The following MARK4 variants were observed in gnomAD, a reference collection of about 807,000 sequenced individuals.
The protein encoded by MARK4 is microtubule affinity regulating kinase 4, also known as MAP/microtubule affinity-regulating kinase 4.
MARK4 carries 19 observed loss-of-function variants against 81.5 expected under a neutral mutation model. That is an observed-to-expected ratio of 0.23 (90% confidence interval 0.16 to 0.34). The LOEUF is 0.34. MARK4 is among the 10% of genes least tolerant of loss of function. MARK4 has a pLI of 1.00. For missense variants in MARK4, 772 were observed against 1,058.8 expected (o/e 0.73, Z 3.76); for synonymous variants, 436 against 439.0 (o/e 0.99, Z 0.08).
intron 8 of MARK4, among the ~76,000 whole-genome samples, chr19:45,276,569 ATT>A (rs1970600152): frequency 6.7e-6 from 1 of 149,304 alleles, no homozygotes; most frequent in Non-Finnish European, 1.5e-5. Context: ...TGAATCTCAT[ATT>A]TACATACCGC....
chr19:45,270,839 C>T (rs567913557), intron 7 of MARK4, among the ~76,000 whole-genome samples: 2 of 152,102 alleles, frequency 1.3e-5, no homozygotes, highest in Admixed American at 1.3e-4. Flanking sequence ...GGCATGATCT[C>T]GGCTCACCGC....
chr19:45,263,604 T>C (rs1970409333), intron 4 of MARK4, among the ~76,000 whole-genome samples: 2 of 151,944 alleles, frequency 1.3e-5, no homozygotes, highest in African/African-American at 4.8e-5. Context: ...TAGCAGGGCA[T>C]GGTGGCGGGC....
intron 8 of MARK4, among the ~76,000 whole-genome samples, chr19:45,275,530 T>C (rs892599168): frequency 6.6e-6 from 1 of 152,008 alleles, no homozygotes; most frequent in Non-Finnish European, 1.5e-5. Context: ...CTGCATATGT[T>C]AAGCCCTTCA....
intron 7 of MARK4, among the ~76,000 whole-genome samples, chr19:45,267,768 C>A (rs1433116748): frequency 6.6e-6 from 1 of 152,172 alleles, no homozygotes; most frequent in Non-Finnish European, 1.5e-5. Flanking sequence ...TCAAATAGTT[C>A]TCTCACCTCA....
chr19:45,263,737 A>G (rs1167448366), intron 4 of MARK4, among the ~76,000 whole-genome samples: 1 of 149,580 alleles, frequency 6.7e-6, no homozygotes, highest in East Asian at 2.0e-4. Context: ...GCGAGACTTC[A>G]TCTCAAAAAA....
At chr19:45,262,676 G>A (rs1028228454) in intron 2 of MARK4, among the ~76,000 whole-genome samples, 11 of 152,230 alleles carry the variant, frequency 7.2e-5, no homozygotes, top group African/African-American at 2.7e-4. Context: ...GGGTGGCAGT[G>A]GAGACAGTGA....
At chr19:45,299,353 G>T (rs190366222) in intron 15 of MARK4, among the ~76,000 whole-genome samples, 2 of 152,316 alleles carry the variant, frequency 1.3e-5, no homozygotes, top group Non-Finnish European at 2.9e-5. Context: ...GAGCCTGGGA[G>T]GTTGAGGCTG....
At chr19:45,282,197 TG>T (rs1403318946) in intron 12 of MARK4, among the ~76,000 whole-genome samples, 5 of 147,400 alleles carry the variant, frequency 3.4e-5, no homozygotes, top group South Asian at 4.3e-4. Flanking sequence ...CACACCAGCC[TG>T]GGCAACAGAG....
At chr19:45,251,767 C>A in intron 1 of MARK4, 128 bp downstream of exon 1, 1 of 819,046 alleles carries the variant, frequency 1.2e-6, no homozygotes, top group Non-Finnish European at 1.9e-6. Flanking sequence ...CGTCACCTCT[C>A]GACCCCTCCC....
chr19:45,273,491 AG>A (rs1471583457), intron 8 of MARK4, among the ~76,000 whole-genome samples: 1 of 152,190 alleles, frequency 6.6e-6, no homozygotes, highest in East Asian at 1.9e-4. Context: ...CCATCATCCC[AG>A]GAATATCTTT....
At chr19:45,279,814 T>C (rs969180287) in intron 10 of MARK4, among the ~76,000 whole-genome samples, 1 of 152,194 alleles carries the variant, frequency 6.6e-6, no homozygotes. Context: ...CAGGCTGCTC[T>C]CCAGGAGGCA....
rs1305515142 is a variant in MARK4 at position 45,287,645 on chromosome 19, A to G, written c.1475A>G (p.Lys492Arg). Reference sequence around the variant, plus strand: ...AAGGCAGAGATCCCAGAGCGGCGGAAGGACAGCACGAGCACCCCCGTGAGT... The same window carrying G: ...AAGGCAGAGATCCCAGAGCGGCGGAGGGACAGCACGAGCACCCCCGTGAGT... ...PNKAEIPERR[K>R]DSTSTPNNLP... The change falls in exon 13 of 17, where the codon AAG becomes AGG. Residue 492 changes from lysine (K) to arginine (R), a missense_variant. Physicochemically the swap from Lys to Arg is conservative, Grantham distance 26. This residue lies in a region of MARK4 where 548 missense variants were observed against 624.3 expected (regional missense o/e 0.88). Transcript: ENST00000262891. 4 of 1,598,316 alleles carry G rather than the reference A, an allele frequency of 2.5e-6. No homozygotes were observed. The African/African-American group carries it at 5.4e-5, about 21-fold the overall frequency.
chr19:45,273,251 G>C (rs1015593620), intron 8 of MARK4, among the ~76,000 whole-genome samples: 6 of 152,138 alleles, frequency 3.9e-5, no homozygotes, highest in Admixed American at 2.0e-4. Flanking sequence ...TCGCTGGCCT[G>C]TGTCCACATT....
At chr19:45,293,036 G>A (rs951512416) in intron 13 of MARK4, among the ~76,000 whole-genome samples, 8 of 152,214 alleles carry the variant, frequency 5.3e-5, no homozygotes, top group African/African-American at 1.9e-4. Flanking sequence ...GGGAGGCTGA[G>A]GCGGGTGGAT....
intron 8 of MARK4, among the ~76,000 whole-genome samples, chr19:45,272,386 AC>A (rs2123055626): frequency 6.6e-6 from 1 of 152,252 alleles, no homozygotes; most frequent in African/African-American, 2.4e-5. Flanking sequence ...CTGTGGGTGA[AC>A]CTTGAAAACA....
chr19:45,285,502 C>T (rs1204004647), intron 12 of MARK4, among the ~76,000 whole-genome samples: 1 of 152,154 alleles, frequency 6.6e-6, no homozygotes, highest in Non-Finnish European at 1.5e-5. Flanking sequence ...CCAGCATGAG[C>T]CCCACACGGG....
At chr19:45,287,240 C>T (rs1372397048) in intron 12 of MARK4, among the ~76,000 whole-genome samples, 2 of 150,922 alleles carry the variant, frequency 1.3e-5, no homozygotes, top group African/African-American at 4.9e-5. Context: ...CAATGAATGG[C>T]CTGTATGTGC....
chr19:45,264,617 G>T, intron 4 of MARK4, 67 bp from the exon 5 acceptor site: 1 of 1,478,136 alleles, frequency 6.8e-7, no homozygotes, highest in Non-Finnish European at 9.4e-7. Flanking sequence ...CATTTGCATA[G>T]TTACTGAGGA....
In MARK4 at chr19:45,302,492, A is replaced by G; in HGVS notation, c.2041A>G (p.Thr681Ala). The G allele has an allele frequency of 6.2e-7, 1 of 1,608,164 alleles. No individual in the cohort carries two copies. Among genetic ancestry groups the G allele is most frequent in the Non-Finnish European group, 8.5e-7 (1 of 1,179,312 alleles). The change falls in exon 17 of 17, where the codon ACA becomes GCA. Residue 681 changes from threonine to alanine, a missense_variant. Around this residue, in one of 3 missense-constraint regions of MARK4, gnomAD observed 548 missense variants for 624.3 expected, o/e 0.88. Coordinates refer to ENST00000262891, the MANE Select transcript of MARK4 (RefSeq NM_001199867.2). This position sits in a 1 kb window ranked among gnomAD's most constrained non-coding sequence, Gnocchi z 4.9. ...EALMAALRQA[T>A]AAARCRCRQP... ...CCTGATGGCAGCTCTGCGCCAGGCC[A>G]CAGCAGCCGCCCGCTGCCGCTGCCG...
Sources: allele counts gnomAD v4.1 joint callset (sites outside exome capture counted in the v4.1 genomes callset), GRCh38; gene constraint gnomAD v4.1.1; regional missense constraint gnomAD v4.1.1; non-coding constraint Gnocchi (gnomAD v3.1); transcripts MANE v1.5; gene names NCBI Gene and HGNC (gene_info 2026-07-23, HGNC 2026-07-21).